Variants in PTCHD4 observed in about 807,000 individuals in gnomAD.
The protein encoded by PTCHD4 is patched domain containing 4, also known as patched domain-containing protein 4.
PTCHD4 carries 33 observed loss-of-function variants against 58.1 expected under a neutral mutation model. The observed-to-expected ratio is 0.57, with a 90% CI of 0.43 to 0.76. The LOEUF is 0.76. Among genes scored for constraint, PTCHD4 ranks in the 30% least tolerant of loss-of-function variants. PTCHD4 has a pLI of 0.00. For synonymous variants in PTCHD4, 478 were observed against 409.6 expected, an observed-to-expected ratio of 1.17 and a Z score of -2.02; for missense variants, 1,058 against 1,027.1, an observed-to-expected ratio of 1.03 and a Z score of -0.41.
intron 3 of PTCHD4, among the ~76,000 whole-genome samples, chr6:48,052,771 T>C (rs528467716): frequency 2.0e-5 from 3 of 152,214 alleles, no homozygotes; most frequent in Admixed American, 1.3e-4. Flanking sequence ...GCTCTCCTTT[T>C]GTAATGTAAA....
chr6:48,054,745 C>T (rs1184883333), intron 3 of PTCHD4, among the ~76,000 whole-genome samples: 1 of 152,030 alleles, frequency 6.6e-6, no homozygotes, highest in Non-Finnish European at 1.5e-5. Context: ...AAATAACATG[C>T]ACCCTATGAT....
rs887291101 is a variant in PTCHD4 at position 47,878,676 on chromosome 6, T to A, written c.2159A>T (p.Asn720Ile). Reference sequence around the variant, plus strand: ...TGGTGCACAGTGGTCAATGGCGAAATTCAAGGTGTAGATAAGGCACAAGAT... The same window carrying A: ...TGGTGCACAGTGGTCAATGGCGAAAATCAAGGTGTAGATAAGGCACAAGAT... ...ISILCLIYTL[N>I]FAIDHCAPLL... Residue 720 changes from asparagine (N) to isoleucine (I), a missense_variant, in exon 5 of 5, where the codon AAT (asparagine) becomes ATT (isoleucine). Coordinates refer to ENST00000339488, the MANE Select transcript of PTCHD4 (RefSeq NM_001384253.1). The A allele has an allele frequency of 6.2e-7, 1 of 1,613,494 alleles. No homozygotes were observed. Among genetic ancestry groups the A allele is most frequent in the Non-Finnish European group, 8.5e-7 (1 of 1,179,786 alleles).
intron 4 of PTCHD4, among the ~76,000 whole-genome samples, chr6:47,951,658 A>T (rs1249126602): frequency 6.6e-6 from 1 of 152,086 alleles, no homozygotes; most frequent in Non-Finnish European, 1.5e-5. Flanking sequence ...TTCCTAAATA[A>T]CCCTTCCTCC....
At chr6:47,939,223 G>A (rs887986554) in intron 4 of PTCHD4, among the ~76,000 whole-genome samples, 1 of 152,172 alleles carries the variant, frequency 6.6e-6, no homozygotes, top group African/African-American at 2.4e-5. Flanking sequence ...AACTTTAACT[G>A]AATCAAAGTC....
chr6:47,972,330 G>C (rs1244403881), intron 4 of PTCHD4, among the ~76,000 whole-genome samples: 1 of 152,120 alleles, frequency 6.6e-6, no homozygotes, highest in African/African-American at 2.4e-5. Flanking sequence ...TAATGGTTAT[G>C]TTAGAAAAAG....
intron 4 of PTCHD4, among the ~76,000 whole-genome samples, chr6:47,933,547 A>G (rs1303244451): frequency 6.6e-6 from 1 of 152,230 alleles, no homozygotes; most frequent in Non-Finnish European, 1.5e-5. Flanking sequence ...TAAGTGCTGC[A>G]AATTCCTAAT....
At chr6:47,941,241 G>T (rs1396621340) in intron 4 of PTCHD4, among the ~76,000 whole-genome samples, 2 of 152,170 alleles carry the variant, frequency 1.3e-5, no homozygotes, top group African/African-American at 4.8e-5. Flanking sequence ...AGACATACTT[G>T]TGTTCTTCCA....
chr6:48,094,616 C>T (rs1190213840), intron 1 of PTCHD4, among the ~76,000 whole-genome samples: 1 of 152,120 alleles, frequency 6.6e-6, no homozygotes, highest in Non-Finnish European at 1.5e-5. Context: ...TTTTCAAATC[C>T]TTCCTTTCCA....
At chr6:48,094,044 C>T (rs1765415608) in intron 1 of PTCHD4, among the ~76,000 whole-genome samples, 1 of 152,032 alleles carries the variant, frequency 6.6e-6, no homozygotes, top group Non-Finnish European at 1.5e-5. Context: ...TATGGGAACA[C>T]ATAGAAAAGA....
chr6:47,901,848 C>T lies in PTCHD4; in HGVS notation c.899-21912G>A. ...ATCTTCCAAATGTGATATTTTTCTCCTCTCCAGTTTTTTCTCTCCTTCCTT... is the reference window on the plus strand; with the variant it reads ...ATCTTCCAAATGTGATATTTTTCTCTTCTCCAGTTTTTTCTCTCCTTCCTT... On this transcript the variant is annotated intron_variant, in intron 4 of 4. Coordinates refer to ENST00000339488, the MANE Select transcript of PTCHD4 (RefSeq NM_001384253.1). The T allele has an allele frequency of 2.3e-6, 3 of 1,298,860 alleles. No individual in the cohort carries two copies. The South Asian group carries it at 3.7e-5, about 16-fold the overall frequency. The allele number at this position is 1,298,860 out of a possible 1,614,324, so 80.5% of individuals were successfully genotyped here.
chr6:47,949,803 AC>A (rs1481462855), intron 4 of PTCHD4, among the ~76,000 whole-genome samples: 1 of 151,666 alleles, frequency 6.6e-6, no homozygotes, highest in Non-Finnish European at 1.5e-5. Context: ...CTTTTATACA[AC>A]CCCAGTTTGA....
chr6:47,893,105 G>A (rs985591684), intron 4 of PTCHD4, among the ~76,000 whole-genome samples: 2 of 152,276 alleles, frequency 1.3e-5, no homozygotes, highest in Admixed American at 1.3e-4. Context: ...CTGCCTCCCG[G>A]GTTCAAGCGA....
intron 4 of PTCHD4, among the ~76,000 whole-genome samples, chr6:47,974,635 A>T (rs746110442): frequency 5.6e-4 from 86 of 152,334 alleles, no homozygotes; most frequent in South Asian, 2.1e-4. Context: ...GCATTGCTAA[A>T]TATCCCCTGG....
Position 47,914,717 on chromosome 6 carries a change from T to C in PTCHD4, c.899-34781A>G, listed in dbSNP as rs1765179555. Among the ~76,000 whole-genome samples the C allele has an allele frequency of 3.3e-5, 3 of 91,536 alleles. No individual in the cohort carries two copies. In the South Asian group the frequency reaches 1.2e-3, roughly 36 times the overall value. The allele number at this position is 91,536 out of a possible 152,430, so 60.1% of individuals were successfully genotyped here. On this transcript the variant is annotated intron_variant, in intron 4 of 4. Coordinates refer to ENST00000339488, the MANE Select transcript of PTCHD4 (RefSeq NM_001384253.1). ...ATCTGTCTGTCTGTCTGTCTCTCTG[T>C]CTGTCTATCTATCTATTATCTATCT...
At chr6:48,102,811 G>A (rs941728217) in intron 1 of PTCHD4, among the ~76,000 whole-genome samples, 8 of 152,188 alleles carry the variant, frequency 5.3e-5, no homozygotes, top group African/African-American at 9.6e-5. Flanking sequence ...ATTACATCCC[G>A]CACATGGCTC....
chr6:47,953,673 T>A (rs951463960), intron 4 of PTCHD4, among the ~76,000 whole-genome samples: 5 of 152,194 alleles, frequency 3.3e-5, no homozygotes, highest in African/African-American at 1.2e-4. Flanking sequence ...GTGCTTTGCA[T>A]GTAAAAATAT....
intron 3 of PTCHD4, among the ~76,000 whole-genome samples, chr6:48,066,856 T>G (rs527893339): frequency 6.6e-6 from 1 of 151,312 alleles, no homozygotes; most frequent in East Asian, 1.9e-4. Context: ...AGTTTCTAAG[T>G]GCATTAAATC....
At chr6:48,013,499 T>C (rs1008817996) in intron 3 of PTCHD4, among the ~76,000 whole-genome samples, 1 of 151,384 alleles carries the variant, frequency 6.6e-6, no homozygotes, top group African/African-American at 2.4e-5. Context: ...CTTGATTAAA[T>C]CTCATGGGAT....
intron 4 of PTCHD4, among the ~76,000 whole-genome samples, chr6:47,883,321 G>A (rs1211880479): frequency 1.3e-5 from 2 of 151,914 alleles, no homozygotes; most frequent in African/African-American, 4.8e-5. Flanking sequence ...AATTATATTG[G>A]CACTTGTAAC....
Sources: gnomAD v4.1 joint callset for allele counts (sites outside exome capture counted in the v4.1 genomes callset) on GRCh38, gnomAD v4.1.1 for gene constraint, MANE v1.5 for transcripts, NCBI Gene and HGNC (gene_info 2026-07-23, HGNC 2026-07-21) for gene names.